The following ADAM23 variants were observed in gnomAD, a reference collection of about 807,000 sequenced individuals.
ADAM23 encodes ADAM metallopeptidase domain 23.
Under a neutral mutation model 120.1 loss-of-function variants are expected in ADAM23, and 33 were observed. That is an observed-to-expected ratio of 0.27 (90% CI 0.21 to 0.37). ADAM23 has a LOEUF of 0.37. ADAM23 is among the 10% of genes least tolerant of loss of function. ADAM23 has a pLI of 1.00. For synonymous variants in ADAM23, 367 were observed against 375.2 expected, an observed-to-expected ratio of 0.98 and a Z score of 0.25; for missense variants, 862 against 1,058.2, an observed-to-expected ratio of 0.81 and a Z score of 2.57.
At chr2:206,513,346 A>G (rs1559242499) in intron 3 of ADAM23, among the ~76,000 whole-genome samples, 1 of 151,398 alleles carries the variant, frequency 6.6e-6, no homozygotes, top group Non-Finnish European at 1.5e-5. Flanking sequence ...AGAAAGTGAA[A>G]CAGCCTTGTT....
In ADAM23 at chr2:206,585,827, A is replaced by C. The variant is rs182333972; in HGVS notation, c.1738-1498A>C. On this transcript the variant is annotated intron_variant, in intron 18 of 25. Coordinates refer to ENST00000264377, the MANE Select transcript of ADAM23 (RefSeq NM_003812.4). Reference sequence around the variant, plus strand: ...GTGATAAGTGCTTTGGAAAAGAAAAAAAAACAAAGAAAAAAACTTGTAGAC... The same window carrying C: ...GTGATAAGTGCTTTGGAAAAGAAAACAAAACAAAGAAAAAAACTTGTAGAC... Among the ~76,000 whole-genome samples the C allele has an allele frequency of 5.3e-5, 8 of 152,326 alleles. No individual in the cohort carries two copies. In the East Asian group the frequency reaches 1.3e-3, roughly 26 times the overall value.
At chr2:206,487,675 T>C (rs771300250) in intron 3 of ADAM23, among the ~76,000 whole-genome samples, 1 of 152,182 alleles carries the variant, frequency 6.6e-6, no homozygotes, top group Non-Finnish European at 1.5e-5. Context: ...TGAAGTGAAA[T>C]CCCTGTGCTT....
chr2:206,524,750 C>CAGT (rs1333927148), intron 3 of ADAM23, among the ~76,000 whole-genome samples: 1 of 152,176 alleles, frequency 6.6e-6, no homozygotes, highest in Non-Finnish European at 1.5e-5. Flanking sequence ...TCCCATGAAT[C>CAGT]AGTGATCTCC....
At chr2:206,504,581 A>G (rs532737294) in intron 3 of ADAM23, among the ~76,000 whole-genome samples, 7 of 152,288 alleles carry the variant, frequency 4.6e-5, no homozygotes, top group Admixed American at 3.3e-4. Context: ...AGTATCATGA[A>G]TCTGAAATCT....
chr2:206,576,603 C>T (rs1290681645), intron 18 of ADAM23, among the ~76,000 whole-genome samples: 1 of 151,988 alleles, frequency 6.6e-6, no homozygotes, highest in African/African-American at 2.4e-5. Flanking sequence ...AAATAATGAG[C>T]TTTGAATTTA....
At chr2:206,566,947 T>C (rs574086341) in intron 14 of ADAM23, among the ~76,000 whole-genome samples, 2 of 152,290 alleles carry the variant, frequency 1.3e-5, no homozygotes, top group Non-Finnish European at 2.9e-5. Flanking sequence ...GTAATGAGCT[T>C]TTTAAAAAAC....
At chr2:206,565,193 T>C (rs1326632371) in intron 14 of ADAM23, 125 bp downstream of exon 14, 3 of 761,824 alleles carry the variant, frequency 3.9e-6, no homozygotes, top group Non-Finnish European at 6.4e-6. Context: ...AATAATTAAT[T>C]GTCTGATATT....
At chr2:206,529,928 C>T (rs1052941259) in intron 3 of ADAM23, among the ~76,000 whole-genome samples, 1 of 152,112 alleles carries the variant, frequency 6.6e-6, no homozygotes, top group Non-Finnish European at 1.5e-5. Context: ...TCTTCTGCCT[C>T]AGCCTCCTGT....
chr2:206,615,352 G>A (rs538463863), intron 25 of ADAM23, among the ~76,000 whole-genome samples: 1 of 152,212 alleles, frequency 6.6e-6, no homozygotes, highest in Non-Finnish European at 1.5e-5. Context: ...TGAGCGGAGG[G>A]TATTCAGAGG....
At chr2:206,548,871 G>C (rs1268530240) in intron 8 of ADAM23, among the ~76,000 whole-genome samples, 1 of 152,000 alleles carries the variant, frequency 6.6e-6, no homozygotes, top group East Asian at 1.9e-4. Flanking sequence ...TTGACTATTA[G>C]CAATATAACA....
intron 2 of ADAM23, among the ~76,000 whole-genome samples, chr2:206,455,426 G>T (rs949547804): frequency 1.3e-5 from 2 of 152,148 alleles, no homozygotes; most frequent in Non-Finnish European, 2.9e-5. Flanking sequence ...GATGGGAGGG[G>T]CTGCCATGAA....
intron 13 of ADAM23, among the ~76,000 whole-genome samples, chr2:206,563,161 A>C (rs1472903613): frequency 6.6e-6 from 1 of 152,198 alleles, no homozygotes; most frequent in African/African-American, 2.4e-5. Context: ...AGAGAGACCA[A>C]AGTGTTCATT....
chr2:206,452,563 T>C (rs757311690), intron 2 of ADAM23, among the ~76,000 whole-genome samples: 10 of 152,230 alleles, frequency 6.6e-5, no homozygotes, highest in East Asian at 1.9e-4. Flanking sequence ...TCCAGGCATT[T>C]TGGGAGGCTG....
chr2:206,446,490 ATT>A (rs896032093), intron 2 of ADAM23, among the ~76,000 whole-genome samples: 1 of 152,136 alleles, frequency 6.6e-6, no homozygotes, highest in African/African-American at 2.4e-5. Flanking sequence ...AGTTTACATC[ATT>A]GTTTTTTATT....
intron 5 of ADAM23, 97 bp downstream of exon 5, chr2:206,542,231 T>C (rs901407488): frequency 8.5e-7 from 1 of 1,180,216 alleles, no homozygotes; most frequent in Non-Finnish European, 1.3e-6. Flanking sequence ...GCCAGTGCTG[T>C]GTTAGGGACT....
intron 2 of ADAM23, 58 bp from the exon 3 acceptor site, chr2:206,481,174 A>G: frequency 2.3e-6 from 3 of 1,311,548 alleles, no homozygotes; most frequent in Non-Finnish European, 3.2e-6. Flanking sequence ...TCTTGATAAT[A>G]ATCTGTCTTA....
rs777743752 is a variant in ADAM23, at chr2:206,530,929, G to A, written c.554G>A (p.Gly185Glu). 17 of 1,613,578 alleles carry A rather than the reference G, an allele frequency of 1.1e-5. No homozygotes were observed. Among genetic ancestry groups the A allele is most frequent in the Admixed American group, 1.7e-5 (1 of 59,966 alleles). Residue 185 changes from glycine (G) to glutamate (E), a missense_variant, in exon 4 of 26, where the codon GGG (glycine) becomes GAG (glutamate). Coordinates refer to ENST00000264377, the MANE Select transcript of ADAM23 (RefSeq NM_003812.4). Reference sequence around the variant, plus strand: ...TATGTGGAGATTCACTACGAAAATGGGAAACCACAGTACTCTAAGGTACGG... The same window carrying A: ...TATGTGGAGATTCACTACGAAAATGAGAAACCACAGTACTCTAAGGTACGG... ...SDYVEIHYEN[G>E]KPQYSKGGEH... is the part of the protein sequence containing the mutation.
At chr2:206,565,364 A>T (rs561506122) in intron 14 of ADAM23, among the ~76,000 whole-genome samples, 18 of 152,332 alleles carry the variant, frequency 1.2e-4, no homozygotes, top group African/African-American at 4.3e-4. Context: ...TAGTACACTT[A>T]GATTAAAAGT....
At chr2:206,492,899 A>G (rs1696162403) in intron 3 of ADAM23, among the ~76,000 whole-genome samples, 1 of 152,228 alleles carries the variant, frequency 6.6e-6, no homozygotes, top group African/African-American at 2.4e-5. Context: ...GAAAAGCTCT[A>G]CAAATGTGAA....
Sources: gnomAD v4.1 joint callset for allele counts (sites outside exome capture counted in the v4.1 genomes callset) on GRCh38, gnomAD v4.1.1 for gene constraint, MANE v1.5 for transcripts, NCBI Gene and HGNC (gene_info 2026-07-23, HGNC 2026-07-21) for gene names.